The following RAB27A variants were observed in gnomAD, a reference collection of about 807,000 sequenced individuals.
RAB27A encodes ras-related protein Rab-27A.
In RAB27A, 17 loss-of-function variants were observed where a neutral mutation model predicts 20.8. The ratio of observed to expected loss-of-function variants is 0.82; its 90% confidence interval spans 0.56 to 1.23. The LOEUF (loss-of-function observed/expected upper bound fraction) is 1.23, where lower values mean the gene tolerates loss of function less well. Ranked by LOEUF, RAB27A falls within the 50% of genes most tolerant of loss-of-function variation. The pLI, the probability that RAB27A is intolerant of heterozygous loss-of-function variation, is 0.00. For synonymous variants in RAB27A, 85 were observed against 92.8 expected (o/e 0.92, Z 0.48); for missense variants, 277 against 266.7 (o/e 1.04, Z -0.27).
intron 6 of RAB27A, among the ~76,000 whole-genome samples, chr15:55,221,809 G>T (rs1298956815): frequency 2.0e-5 from 3 of 152,104 alleles, no homozygotes; most frequent in Non-Finnish European, 4.4e-5. Flanking sequence ...CCTGGGCCAG[G>T]TGATGTTGTT....
Position 55,223,970 on chromosome 15 carries a change from A to G in RAB27A, c.386T>C (p.Val129Ala). 1.2e-6 allele frequency: 2 copies of G among 1,609,924 alleles called. No homozygotes were observed. Among genetic ancestry groups the G allele is most frequent in the Non-Finnish European group, 1.7e-6 (2 of 1,176,256 alleles). ...MHAYCENPDI[V>A]LCGNKSDLED... is the part of the protein sequence containing the mutation. ...CAGATCACTCTTGTTTCCACACAGC[A>G]CTATATCTGGGTTTTCACAATATGC... Residue 129 changes from valine (V) to alanine (A), a missense_variant, in exon 6 of 7, where the codon GTG becomes GCG. Val to Ala is a moderately conservative substitution (Grantham distance 64). Transcript: ENST00000336787.
At chr15:55,311,255 C>A (rs376671403) in intron 2 of RAB27A, among the ~76,000 whole-genome samples, 4 of 152,172 alleles carry the variant, frequency 2.6e-5, no homozygotes, top group African/African-American at 9.7e-5. Context: ...CTGTCCTAAC[C>A]CTTGTAAAAC....
chr15:55,254,280 C>G (rs1897001960), intron 2 of RAB27A, among the ~76,000 whole-genome samples: 2 of 151,328 alleles, frequency 1.3e-5, no homozygotes, highest in South Asian at 4.2e-4. Context: ...CCTATACATA[C>G]TTGCTTATCA....
At chr15:55,285,281 G>A (rs1898117871) in intron 1 of RAB27A, among the ~76,000 whole-genome samples, 2 of 148,804 alleles carry the variant, frequency 1.3e-5, no homozygotes, top group South Asian at 4.2e-4. Context: ...TCTGTTTAAG[G>A]GCAACATATA....
At chr15:55,266,535 A>C (rs1897492156) in intron 2 of RAB27A, among the ~76,000 whole-genome samples, 1 of 152,242 alleles carries the variant, frequency 6.6e-6, no homozygotes, top group Non-Finnish European at 1.5e-5. Flanking sequence ...AAAGATAACC[A>C]AAACTTTTAG....
At chr15:55,264,160 C>T (rs961861922) in intron 2 of RAB27A, among the ~76,000 whole-genome samples, 1 of 152,204 alleles carries the variant, frequency 6.6e-6, no homozygotes, top group African/African-American at 2.4e-5. Context: ...AGGTGATTCT[C>T]ATGCCTCAGC....
At chr15:55,315,247 T>C (rs987429468) in intron 1 of RAB27A, among the ~76,000 whole-genome samples, 2 of 152,174 alleles carry the variant, frequency 1.3e-5, no homozygotes, top group East Asian at 1.9e-4. Context: ...TTACACCTTA[T>C]ACAAAAATTA....
At chr15:55,205,958 C>T (rs1178947940) in intron 6 of RAB27A, among the ~76,000 whole-genome samples, 1 of 152,030 alleles carries the variant, frequency 6.6e-6, no homozygotes, top group Non-Finnish European at 1.5e-5. Flanking sequence ...GCTCACACCT[C>T]CCAGCACTCT....
At chr15:55,270,991 T>A (rs540264302) in intron 1 of RAB27A, 1 of 152,238 alleles carries the variant, frequency 6.6e-6, no homozygotes, top group Non-Finnish European at 1.5e-5. Context: ...CCACTTCCAA[T>A]TGGCCACCAA....
intron 2 of RAB27A, chr15:55,248,989 C>T (rs1896790464): frequency 6.6e-6 from 1 of 152,126 alleles, no homozygotes; most frequent in African/African-American, 2.4e-5. Flanking sequence ...TTTCTTATTG[C>T]TTCTCAAAGT....
At chr15:55,274,802 A>ATG (rs1897811214) in intron 1 of RAB27A, among the ~76,000 whole-genome samples, 1 of 123,392 alleles carries the variant, frequency 8.1e-6, no homozygotes, top group African/African-American at 3.4e-5. Context: ...AATTATATAT[A>ATG]TATATATATA....
At chr15:55,307,279 CAGA>C (rs2055000808) in intron 2 of RAB27A, among the ~76,000 whole-genome samples, 2 of 151,824 alleles carry the variant, frequency 1.3e-5, no homozygotes, top group Non-Finnish European at 2.9e-5. Flanking sequence ...CTTGGTCAAG[CAGA>C]AGGTCATTGG....
rs943470740 is a variant in RAB27A at position 55,264,028 on chromosome 15, T to G, written c.-23+6137A>C. 1.5e-4 allele frequency among the ~76,000 whole-genome samples: 23 copies of G among 152,312 alleles called. 1 individual carries two copies. Among genetic ancestry groups the G allele is most frequent in the Admixed American group, 1.3e-3 (20 of 15,302 alleles). On this transcript the variant is annotated intron_variant, in intron 2 of 6. Transcript: ENST00000336787. The stretch of plus-strand genomic sequence containing the variant: ...AGAGTCTCTCAACTATAGCCAGGGT[T>G]ATTTTTTCTGTTTGTTTGTTTGTTT...
intron 6 of RAB27A, among the ~76,000 whole-genome samples, chr15:55,212,886 A>G (rs1895096909): frequency 6.6e-6 from 1 of 152,196 alleles, no homozygotes; most frequent in African/African-American, 2.4e-5. Context: ...TACAGGTGTA[A>G]TTTTTAAATA....
intron 6 of RAB27A, among the ~76,000 whole-genome samples, chr15:55,210,711 T>A (rs149302777): frequency 0.016 from 2,455 of 152,300 alleles, 38 homozygotes; most frequent in Middle Eastern, 0.041. Context: ...TATCCCATTC[T>A]ATGGGTTATC....
rs752581278 is a variant in RAB27A at position 55,205,656 on chromosome 15, C to A, written c.517G>T (p.Ala173Ser). 1 of 1,613,952 alleles carries A rather than the reference C, an allele frequency of 6.2e-7. No homozygotes were observed. The highest frequency in any genetic ancestry group is 1.7e-5 in the Admixed American group (1 of 59,992). Reference protein sequence around the residue: ...SAANGTNISQAIEMLLDLIMK... With the variant: ...SAANGTNISQSIEMLLDLIMK... Reference sequence around the variant, plus strand: ...ATCAGGTCCAGAAGCATCTCAATTGCTTGGCTTATGTTTGTCCCATTGGCA... The same window carrying A: ...ATCAGGTCCAGAAGCATCTCAATTGATTGGCTTATGTTTGTCCCATTGGCA... Residue 173 changes from alanine to serine, a missense_variant, in exon 7 of 7, where the codon GCA (alanine) becomes TCA (serine). Physicochemically the swap from Ala to Ser is moderately conservative, Grantham distance 99. Transcript: ENST00000336787.
intron 6 of RAB27A, among the ~76,000 whole-genome samples, chr15:55,219,152 C>T (rs1162587069): frequency 6.6e-5 from 10 of 152,186 alleles, no homozygotes; most frequent in Admixed American, 2.0e-4. Context: ...GACATTTCAA[C>T]GCAACCATAT....
chr15:55,302,327 C>T (rs1028642396), intron 2 of RAB27A, among the ~76,000 whole-genome samples: 3 of 152,130 alleles, frequency 2.0e-5, no homozygotes, highest in African/African-American at 4.8e-5. Context: ...CCGCCAACCT[C>T]GGCCTCCCGA....
intron 2 of RAB27A, among the ~76,000 whole-genome samples, chr15:55,256,870 C>A (rs558560582): frequency 6.6e-6 from 1 of 152,166 alleles, no homozygotes; most frequent in Non-Finnish European, 1.5e-5. Context: ...ATTCCAGGTT[C>A]AAAGTTCAAA....
Sources: gnomAD v4.1 joint callset for allele counts (sites outside exome capture counted in the v4.1 genomes callset) on GRCh38, gnomAD v4.1.1 for gene constraint, MANE v1.5 for transcripts, NCBI Gene and HGNC (gene_info 2026-07-23, HGNC 2026-07-21) for gene names.